CFDP1: variants seen among roughly 807,000 people sequenced by gnomAD.
The protein encoded by CFDP1 is heterochromatin-stabilizing protein CFDP1.
A neutral mutation model predicts 40.1 loss-of-function variants in CFDP1; 31 were observed. The ratio of observed to expected loss-of-function variants is 0.77; its 90% CI spans 0.58 to 1.04. The LOEUF (loss-of-function observed/expected upper bound fraction) is 1.04. CFDP1 is among the 50% of genes least tolerant of loss of function. The pLI, the probability that CFDP1 is intolerant of heterozygous loss-of-function variation, is 0.00. For synonymous variants in CFDP1, 167 were observed against 120.0 expected, an observed-to-expected ratio of 1.39 and a Z score of -2.56; for missense variants, 423 against 343.4, an observed-to-expected ratio of 1.23 and a Z score of -1.83.
chr16:75,359,246 TAAC>T (rs1219156004), intron 5 of CFDP1, among the ~76,000 whole-genome samples: 4 of 152,156 alleles, frequency 2.6e-5, no homozygotes, highest in Non-Finnish European at 5.9e-5. Flanking sequence ...ATACTATAAA[TAAC>T]AACAGTTATA....
intron 5 of CFDP1, among the ~76,000 whole-genome samples, chr16:75,348,381 ACT>A (rs1160957485): frequency 6.6e-6 from 1 of 152,150 alleles, no homozygotes; most frequent in Non-Finnish European, 1.5e-5. Context: ...GCTTATGGGA[ACT>A]CTGTACTATC....
At position 75,395,822 on chromosome 16, in the gene CFDP1, C is replaced by CT. The variant is rs1209362775; in HGVS notation, c.531-614dup. Among the ~76,000 whole-genome samples the CT allele has an allele frequency of 4.6e-5, 7 of 151,948 alleles. 1 individual carries two copies. In the East Asian group the frequency reaches 1.4e-3, roughly 29 times the overall value. ...TTGGGAATGGACGAAAGCAACATGACTGAGAATTTTGTCTAATTTCAAATC... is the reference window on the plus strand; with the variant it reads ...TTGGGAATGGACGAAAGCAACATGACTTGAGAATTTTGTCTAATTTCAAATC... On this transcript the variant is annotated intron_variant, in intron 4 of 6. Transcript: ENST00000283882.
intron 5 of CFDP1, among the ~76,000 whole-genome samples, chr16:75,348,930 G>A (rs947793972): frequency 1.3e-5 from 2 of 152,098 alleles, no homozygotes; most frequent in African/African-American, 2.4e-5. Flanking sequence ...ATAGTGGTAC[G>A]ATCACAGCTC....
intron 4 of CFDP1, among the ~76,000 whole-genome samples, chr16:75,408,776 AAATAATAATAAT>A (rs1004311742): frequency 6.6e-6 from 1 of 152,028 alleles, no homozygotes; most frequent in Non-Finnish European, 1.5e-5. Context: ...CCCTGTCTCA[AAATAATAATAAT>A]AAAAAAAAAT....
intron 5 of CFDP1, among the ~76,000 whole-genome samples, chr16:75,377,735 C>T (rs146146694): frequency 5.5e-4 from 84 of 152,312 alleles, no homozygotes; most frequent in African/African-American, 1.9e-3. Flanking sequence ...CTCCACTTCT[C>T]GAGGTTCACT....
At chr16:75,328,436 A>G (rs1279167675) in intron 5 of CFDP1, among the ~76,000 whole-genome samples, 1 of 149,142 alleles carries the variant, frequency 6.7e-6, no homozygotes, top group African/African-American at 2.5e-5. Context: ...AATACAAAAA[A>G]AAAAGAAAAA....
chr16:75,349,168 G>A (rs1323813913), intron 5 of CFDP1, among the ~76,000 whole-genome samples: 1 of 152,058 alleles, frequency 6.6e-6, no homozygotes, highest in Non-Finnish European at 1.5e-5. Flanking sequence ...CTGCACCAGG[G>A]CTGTCTCCTT....
intron 1 of CFDP1, among the ~76,000 whole-genome samples, chr16:75,426,458 C>T (rs954465477): frequency 2.6e-5 from 4 of 152,008 alleles, no homozygotes; most frequent in Non-Finnish European, 4.4e-5. Context: ...GATATGATTC[C>T]AAAAGCACAA....
chr16:75,298,419 C>T (rs1395795636), intron 6 of CFDP1, among the ~76,000 whole-genome samples: 1 of 152,154 alleles, frequency 6.6e-6, no homozygotes, highest in Non-Finnish European at 1.5e-5. Flanking sequence ...AGGGAGAGCA[C>T]ATGGAAGTGC....
intron 3 of CFDP1, 54 bp downstream of exon 3, chr16:75,412,481 A>G: frequency 1.5e-6 from 2 of 1,356,274 alleles, no homozygotes; most frequent in South Asian, 1.2e-5. Flanking sequence ...TTCAAATCTC[A>G]GTAATGTAGG....
chr16:75,310,488 G>A (rs1392232941), intron 5 of CFDP1, among the ~76,000 whole-genome samples: 1 of 152,176 alleles, frequency 6.6e-6, no homozygotes, highest in African/African-American at 2.4e-5. Flanking sequence ...AGTTTATAAT[G>A]ATAATTTTCT....
At chr16:75,314,040 A>T (rs532049082) in intron 5 of CFDP1, among the ~76,000 whole-genome samples, 32 of 152,016 alleles carry the variant, frequency 2.1e-4, no homozygotes, top group Non-Finnish European at 3.2e-4. Context: ...GACCGCTACC[A>T]TGCCTGGCTA....
At chr16:75,363,253 G>A (rs2078691601) in intron 5 of CFDP1, among the ~76,000 whole-genome samples, 1 of 143,854 alleles carries the variant, frequency 7.0e-6, no homozygotes, top group African/African-American at 2.5e-5. Flanking sequence ...AAGACTTAAT[G>A]TATGAAAGTC....
intron 4 of CFDP1, among the ~76,000 whole-genome samples, chr16:75,403,426 C>T (rs1187503237): frequency 6.6e-6 from 1 of 152,090 alleles, no homozygotes; most frequent in Non-Finnish European, 1.5e-5. Flanking sequence ...TCCATGTTGC[C>T]CAGGCTGGTC....
At chr16:75,405,466 G>C (rs1441596142) in intron 4 of CFDP1, among the ~76,000 whole-genome samples, 1 of 151,948 alleles carries the variant, frequency 6.6e-6, no homozygotes, top group Non-Finnish European at 1.5e-5. Context: ...AAACACAAGA[G>C]GCCTGGTGTG....
At chr16:75,426,941 C>G (rs385265) in intron 1 of CFDP1, among the ~76,000 whole-genome samples, 149,897 of 151,680 alleles carry the variant, frequency 0.99, 74,085 homozygotes, top group East Asian at 1. Flanking sequence ...TGTAATCCCA[C>G]CTACTTGGGA....
At chr16:75,392,151 A>G (rs1035816914) in intron 5 of CFDP1, among the ~76,000 whole-genome samples, 6 of 152,084 alleles carry the variant, frequency 3.9e-5, no homozygotes, top group African/African-American at 1.4e-4. Context: ...CATGCCTGTA[A>G]TGCCAGCACT....
intron 1 of CFDP1, among the ~76,000 whole-genome samples, chr16:75,423,019 G>A (rs1330103258): frequency 6.6e-6 from 1 of 151,758 alleles, no homozygotes; most frequent in African/African-American, 2.4e-5. Flanking sequence ...AGTGGCTCAC[G>A]CCTGTAATCC....
At chr16:75,362,338 T>C (rs1283877749) in intron 5 of CFDP1, among the ~76,000 whole-genome samples, 6 of 152,200 alleles carry the variant, frequency 3.9e-5, no homozygotes, top group African/African-American at 1.2e-4. Flanking sequence ...ATCAACACTG[T>C]GCTGAAAGGC....
Sources: allele counts gnomAD v4.1 joint callset (sites outside exome capture counted in the v4.1 genomes callset), GRCh38; gene constraint gnomAD v4.1.1; transcripts MANE v1.5; gene names NCBI Gene and HGNC (gene_info 2026-07-23, HGNC 2026-07-21).